Variants in CARNS1 observed in about 807,000 individuals in gnomAD.
CARNS1 encodes ATP-grasp domain containing 1.
CARNS1 carries 61 observed loss-of-function variants against 74.0 expected under a neutral mutation model. The ratio of observed to expected loss-of-function variants is 0.82; its 90% CI spans 0.67 to 1.02. The LOEUF is 1.02. Ranked by LOEUF, CARNS1 falls within the 50% of genes least tolerant of loss-of-function variation. The pLI, the probability that CARNS1 is intolerant of heterozygous loss-of-function variation, is 0.00. For missense variants in CARNS1, 1,278 were observed against 1,308.4 expected, an observed-to-expected ratio of 0.98 and a Z score of 0.36; for synonymous variants, 568 against 605.5, an observed-to-expected ratio of 0.94 and a Z score of 0.91.
chr11:67,423,311 A>G lies in CARNS1; in HGVS notation c.1627-64A>G. ...CCCTGAAGGGGCCATCCTAGGCCCC[A>G]TCCTATCCCCCTAGCACCCAGTACT... On this transcript the variant is annotated intron_variant, in intron 9 of 9. Transcript: ENST00000687366. The surrounding 1 kb of genome is among the most constrained non-coding windows in gnomAD (Gnocchi z 5.1). 6 of 1,527,686 alleles carry G rather than the reference A, an allele frequency of 3.9e-6. No homozygotes were observed. Among genetic ancestry groups the G allele is most frequent in the Non-Finnish European group, 5.3e-6 (6 of 1,129,546 alleles). 94.6% of individuals were successfully genotyped at this position (1,527,686 alleles called of 1,614,324 possible). A position where few individuals can be genotyped will look rare whatever the true frequency, so the allele number is the denominator to read the frequency against.
At chr11:67,417,162 G>T in intron 2 of CARNS1, 2 of 1,212,326 alleles carry the variant, frequency 1.6e-6, no homozygotes, top group East Asian at 6.6e-5. Context: ...GGGCTGGCTG[G>T]CAAGACATTG....
At chr11:67,415,943 C>G in intron 1 of CARNS1, 180 bp downstream of exon 1, 1 of 440,744 alleles carries the variant, frequency 2.3e-6, no homozygotes, top group Non-Finnish European at 4.1e-6. Context: ...AGAGCCAAGC[C>G]CGGACCCCAG....
rs527477769 is a variant in CARNS1 at position 67,419,078 on chromosome 11, A to G, written c.687A>G (p.Pro229=). 24 of 1,564,778 alleles carry G rather than the reference A, an allele frequency of 1.5e-5. No individual in the cohort carries two copies. The South Asian group carries it at 2.1e-4, about 14-fold the overall frequency. The change falls in exon 5 of 10, where the codon CCA becomes CCG. Residue 229 remains proline, a synonymous_variant. Transcript: ENST00000687366. The part of the protein sequence containing the change: ...LLAQQGGVAV[P]ATLAFTYKPP... ...CCCAGCAGGGTGGTGTGGCTGTGCC[A>G]GCAACCCTGGCTTTCACCTACAAGC...
chr11:67,416,296 G>C, intron 2 of CARNS1, 94 bp downstream of exon 2: 1 of 1,533,534 alleles, frequency 6.5e-7, no homozygotes. Flanking sequence ...ACCTAAGCCT[G>C]GGAGTTGCCC....
At chr11:67,421,278 G>A in intron 9 of CARNS1, 59 bp downstream of exon 9, 1 of 1,383,574 alleles carries the variant, frequency 7.2e-7, no homozygotes, top group Non-Finnish European at 9.3e-7. Flanking sequence ...GTGGAGGCGG[G>A]ACCCCGGGGC....
At chr11:67,421,288 C>T in intron 9 of CARNS1, 69 bp downstream of exon 9, 1 of 1,346,506 alleles carries the variant, frequency 7.4e-7, no homozygotes, top group Non-Finnish European at 9.5e-7. Context: ...GACCCCGGGG[C>T]GGGGCCTGGA....
At position 67,418,938 on chromosome 11, in the gene CARNS1, C is replaced by A. The variant is rs1421898675; in HGVS notation, c.547C>A (p.Pro183Thr). 1 of 1,580,412 alleles carries A rather than the reference C, an allele frequency of 6.3e-7. No homozygotes were observed. Among genetic ancestry groups the A allele is most frequent in the East Asian group, 2.3e-5 (1 of 43,022 alleles). Residue 183 changes from proline to threonine, a missense_variant, in exon 5 of 10, where the codon CCT (proline) becomes ACT (threonine). Physicochemically the swap from Pro to Thr is conservative, Grantham distance 38 (BLOSUM62 -1). Coordinates refer to ENST00000687366, the MANE Select transcript of CARNS1 (RefSeq NM_001166222.2). Reference protein sequence around the residue: ...TYFLAGLGLGPGRGREAAELA... With the variant: ...TYFLAGLGLGTGRGREAAELA... ...CTTTTTGGCAGGCCTGGGCCTGGGGCCTGGCCGGGGCCGAGAGGCAGCAGA... is the reference window on the plus strand; with the variant it reads ...CTTTTTGGCAGGCCTGGGCCTGGGGACTGGCCGGGGCCGAGAGGCAGCAGA...
In CARNS1 at chr11:67,421,103, A is replaced by G; in HGVS notation, c.1510A>G (p.Thr504Ala). 6.9e-7 allele frequency: 1 copy of G among 1,445,914 alleles called. No individual in the cohort carries two copies. The highest frequency in any genetic ancestry group is 9.0e-7 in the Non-Finnish European group (1 of 1,106,310). The allele number at this position is 1,445,914 out of a possible 1,614,324, so 89.6% of individuals were successfully genotyped here. A position where few individuals can be genotyped will look rare whatever the true frequency, so the allele number is the denominator to read the frequency against. Residue 504 changes from threonine (T) to alanine (A), a missense_variant, in exon 9 of 10, where the codon ACC (threonine) becomes GCC (alanine). Thr to Ala is a moderately conservative substitution (Grantham distance 58). Transcript: ENST00000687366. ...GGCGGTGGCGGCGCCGCTGGTGGAG[A>G]CCATGCTTCGGCGGTCGGCGCGCTG... ...DEAVAAPLVE[T>A]MLRRSARCLM...
intron 7 of CARNS1, 35 bp from the exon 8 acceptor site, chr11:67,420,574 T>G (rs948344068): frequency 8.5e-7 from 1 of 1,171,832 alleles, no homozygotes; most frequent in Admixed American, 4.2e-5. Context: ...GGGCAGGGAG[T>G]GTGTGGGCCT....
chr11:67,419,688 A>T, intron 6 of CARNS1, 27 bp downstream of exon 6: 1 of 1,588,448 alleles, frequency 6.3e-7, no homozygotes, highest in East Asian at 2.3e-5. Flanking sequence ...CTGACCAGGG[A>T]TGGGAGTTTG....
At chr11:67,418,707 T>C in intron 4 of CARNS1, 49 bp from the exon 5 acceptor site, 2 of 1,508,256 alleles carry the variant, frequency 1.3e-6, no homozygotes, top group Non-Finnish European at 1.8e-6. Context: ...GGCCCGGGCA[T>C]AGGGCATCAA....
chr11:67,419,766 C>A lies in CARNS1; in HGVS notation c.1041C>A (p.Pro347=), dbSNP rs1315276512. The A allele has an allele frequency of 1.2e-6, 2 of 1,603,946 alleles. No individual in the cohort carries two copies. Among genetic ancestry groups the A allele is most frequent in the African/African-American group, 1.3e-5 (1 of 74,620 alleles). ...AQLPCSDGPS[P]GPGLAVRICA... is the part of the protein sequence containing the mutation. Reference sequence around the variant, plus strand: ...GTCTTCCCCCAGATGGTCCTTCACCCGGCCCCGGCCTGGCCGTGCGAATCT... The same window carrying A: ...GTCTTCCCCCAGATGGTCCTTCACCAGGCCCCGGCCTGGCCGTGCGAATCT... Residue 347 remains proline (P), a synonymous_variant, in exon 7 of 10, where the codon CCC becomes CCA. Coordinates refer to ENST00000687366, the MANE Select transcript of CARNS1 (RefSeq NM_001166222.2).
At chr11:67,418,693 C>T (rs903151127) in intron 4 of CARNS1, 63 bp from the exon 5 acceptor site, 64 of 1,485,232 alleles carry the variant, frequency 4.3e-5, no homozygotes, top group East Asian at 1.2e-4. Flanking sequence ...CTCCGCTACC[C>T]GGGGGCCCGG....
intron 4 of CARNS1, 38 bp from the exon 5 acceptor site, chr11:67,418,717 AG>A: frequency 6.6e-7 from 1 of 1,525,078 alleles, no homozygotes; most frequent in Non-Finnish European, 8.8e-7. Flanking sequence ...TAGGGCATCA[AG>A]CCTTCCCTGG....
At position 67,424,303 on chromosome 11, in the gene CARNS1, G is replaced by A. The variant is rs199837751; in HGVS notation, c.2555G>A (p.Arg852His). 1.5e-4 allele frequency: 240 copies of A among 1,611,144 alleles called. 1 individual carries two copies. In the East Asian group the frequency reaches 3.3e-3, roughly 22 times the overall value. The change falls in exon 10 of 10, where the codon CGC becomes CAC. Residue 852 changes from arginine (R) to histidine (H), a missense_variant. Coordinates refer to ENST00000687366, the MANE Select transcript of CARNS1 (RefSeq NM_001166222.2). The part of the protein sequence containing the change: ...ACGLRPALPT[R>H]PRARGHLVGV... ...GGCTTGCGTCCTGCCCTGCCCACCC[G>A]CCCACGTGCTCGTGGCCATCTGGTG...
intron 7 of CARNS1, among the ~76,000 whole-genome samples, chr11:67,420,216 G>A (rs994059316): frequency 1.3e-5 from 2 of 152,158 alleles, no homozygotes; most frequent in Non-Finnish European, 2.9e-5. Flanking sequence ...GAAGGCTTAC[G>A]GACCCTCCTG....
chr11:67,423,798 G>A lies in CARNS1; in HGVS notation c.2050G>A (p.Gly684Ser), dbSNP rs1173087877. The change falls in exon 10 of 10, where the codon GGT becomes AGT. Residue 684 changes from glycine (G) to serine (S), a missense_variant. Transcript: ENST00000687366. This position sits in a 1 kb window ranked among gnomAD's most constrained non-coding sequence, Gnocchi z 5.1. ...GCTGGAGTTCGGGGCAGGTGCAGTGGGTGTCCGGCTGGTAGAGGATGCGCC... is the reference window on the plus strand; with the variant it reads ...GCTGGAGTTCGGGGCAGGTGCAGTGAGTGTCCGGCTGGTAGAGGATGCGCC... ...MKLEFGAGAV[G>S]VRLVEDAPQC... 9 of 1,604,194 alleles carry A rather than the reference G, an allele frequency of 5.6e-6. No homozygotes were observed. Among genetic ancestry groups the A allele is most frequent in the Non-Finnish European group, 6.8e-6 (8 of 1,178,652 alleles).
Position 67,418,867 on chromosome 11 carries a change from G to C in CARNS1, c.476G>C (p.Gly159Ala). Residue 159 changes from glycine to alanine, a missense_variant, in exon 5 of 10, where the codon GGC becomes GCC. By Grantham distance (60) the Gly-to-Ala change is moderately conservative. This residue lies in a region of CARNS1 where 1,164 missense variants were observed against 1,156.5 expected (regional missense o/e 1.01). Coordinates refer to ENST00000687366, the MANE Select transcript of CARNS1 (RefSeq NM_001166222.2). ...AAGGCTGTGAGCTTCCACCCTGGGGGCCTGACATTCCTGGATGACTTTGTC... is the reference window on the plus strand; with the variant it reads ...AAGGCTGTGAGCTTCCACCCTGGGGCCCTGACATTCCTGGATGACTTTGTC... ...VSKAVSFHPGGLTFLDDFVPP... is the reference protein window; with the variant it reads ...VSKAVSFHPGALTFLDDFVPP... 6.2e-7 allele frequency: 1 copy of C among 1,600,690 alleles called. No individual in the cohort carries two copies. Among genetic ancestry groups the C allele is most frequent in the Non-Finnish European group, 8.5e-7 (1 of 1,173,894 alleles).
In CARNS1 at chr11:67,419,010, GCCCGGCTGCTGGAGGA is replaced by G; in HGVS notation, c.622_637del (p.Arg208GlyfsTer3). ...CCCCACAGGAGCTTCGGCTGAGCTG[GCCCGGCTGCTGGAGGA>G]CCGGCTGCTGACAAGGCAGTTGCTG... is the stretch of plus-strand genomic sequence containing the variant. On this transcript the variant is annotated frameshift_variant, in exon 5 of 10. Transcript: ENST00000687366. LOFTEE classifies it high-confidence loss of function. The G allele has an allele frequency of 6.4e-7, 1 of 1,559,730 alleles. No homozygotes were observed. The highest frequency in any genetic ancestry group is 1.4e-5 in the African/African-American group (1 of 73,576).
Sources: gnomAD v4.1 joint callset for allele counts (sites outside exome capture counted in the v4.1 genomes callset) on GRCh38, gnomAD v4.1.1 for gene constraint, gnomAD v4.1.1 regional missense constraint, Gnocchi (gnomAD v3.1) non-coding constraint, MANE v1.5 for transcripts, NCBI Gene and HGNC (gene_info 2026-07-23, HGNC 2026-07-21) for gene names.